SMOC1: variants seen among roughly 807,000 people sequenced by gnomAD.
The protein encoded by SMOC1 is SPARC related modular calcium binding 1.
SMOC1 carries 22 observed loss-of-function variants against 56.3 expected under a neutral mutation model. That is an observed-to-expected ratio of 0.39 (90% CI 0.28 to 0.56). The LOEUF is 0.56. Ranked by LOEUF, SMOC1 falls within the 20% of genes least tolerant of loss-of-function variation. The pLI is 0.61. For missense variants in SMOC1, 509 were observed against 565.4 expected, an observed-to-expected ratio of 0.90 and a Z score of 1.01; for synonymous variants, 193 against 215.0, an observed-to-expected ratio of 0.90 and a Z score of 0.89.
At chr14:69,898,373 T>G (rs1884151256) in intron 1 of SMOC1, among the ~76,000 whole-genome samples, 1 of 152,204 alleles carries the variant, frequency 6.6e-6, no homozygotes, top group African/African-American at 2.4e-5. Flanking sequence ...CAAATAATTC[T>G]TCTGTTTCTT....
chr14:69,906,565 C>T (rs796365996), intron 1 of SMOC1, among the ~76,000 whole-genome samples: 6 of 152,326 alleles, frequency 3.9e-5, no homozygotes, highest in African/African-American at 1.4e-4. Flanking sequence ...TTCTGAATTC[C>T]TGACCTGTAG....
intron 1 of SMOC1, among the ~76,000 whole-genome samples, chr14:69,907,904 C>A (rs1884452608): frequency 6.6e-6 from 1 of 152,172 alleles, no homozygotes; most frequent in South Asian, 2.1e-4. Context: ...CTCACTCTGG[C>A]CTCCTTTATA....
chr14:69,979,608 T>G (rs1555362575), intron 5 of SMOC1, among the ~76,000 whole-genome samples: 1 of 151,940 alleles, frequency 6.6e-6, no homozygotes, highest in Non-Finnish European at 1.5e-5. Context: ...GTGTGTGTGT[T>G]GTTTTTTTTC....
intron 1 of SMOC1, among the ~76,000 whole-genome samples, chr14:69,893,673 A>T (rs1412193783): frequency 2.6e-5 from 4 of 152,236 alleles, no homozygotes; most frequent in Admixed American, 2.6e-4. Flanking sequence ...CAGATAATGC[A>T]TTTTGAACTG....
intron 3 of SMOC1, among the ~76,000 whole-genome samples, chr14:69,974,622 AGG>A (rs1009772711): frequency 5.3e-5 from 8 of 151,948 alleles, no homozygotes; most frequent in African/African-American, 1.9e-4. Flanking sequence ...GCAGGGAAGT[AGG>A]CCTTAATGTG....
intron 10 of SMOC1, 32 bp from the exon 11 acceptor site, chr14:70,023,171 C>T: frequency 6.2e-7 from 1 of 1,613,730 alleles, no homozygotes; most frequent in Non-Finnish European, 8.5e-7. Context: ...GATTGGTGTT[C>T]TCTGCGGTGG....
At chr14:69,975,586 C>T (rs769986556) in intron 3 of SMOC1, 129 bp from the exon 4 acceptor site, 27 of 749,404 alleles carry the variant, frequency 3.6e-5, no homozygotes, top group Middle Eastern at 3.5e-4. Flanking sequence ...ACTCTGGAGA[C>T]AGATGTGGGG....
At chr14:69,884,600 C>A (rs1883743870) in intron 1 of SMOC1, among the ~76,000 whole-genome samples, 1 of 152,068 alleles carries the variant, frequency 6.6e-6, no homozygotes, top group Non-Finnish European at 1.5e-5. Flanking sequence ...TCATTTGAGT[C>A]AATTTTTGTA....
At chr14:69,988,543 GT>G in intron 5 of SMOC1, among the ~76,000 whole-genome samples, 1 of 152,114 alleles carries the variant, frequency 6.6e-6, no homozygotes. Flanking sequence ...CTCCCTTTTT[GT>G]TTTAACAGCT....
chr14:69,908,589 C>T (rs2139341103), intron 1 of SMOC1, among the ~76,000 whole-genome samples: 1 of 152,336 alleles, frequency 6.6e-6, no homozygotes, highest in Non-Finnish European at 1.5e-5. Flanking sequence ...CCCTGGGAAT[C>T]TGCTAGCCAG....
At chr14:69,885,843 G>A in intron 1 of SMOC1, 1 of 1,601,562 alleles carries the variant, frequency 6.2e-7, no homozygotes, top group South Asian at 1.1e-5. Context: ...CTGTACTTGT[G>A]GGCCAGCTTA....
rs1459422487 is a variant in SMOC1, at chr14:69,884,062, G to A, written c.99+4285G>A. On this transcript the variant is annotated intron_variant, in intron 1 of 11. Transcript: ENST00000361956. ...GCTGGGACTACAGGCGCCCGCCACC[G>A]CGCCCGGCTAATTTTTTGTATTTTT... Among the ~76,000 whole-genome samples, 10 of 150,980 alleles carry A rather than the reference G, an allele frequency of 6.6e-5. No individual in the cohort carries two copies. The East Asian group carries it at 1.2e-3, about 18-fold the overall frequency.
chr14:69,920,595 A>C (rs921136745), intron 1 of SMOC1, among the ~76,000 whole-genome samples: 2 of 152,230 alleles, frequency 1.3e-5, no homozygotes, highest in Non-Finnish European at 2.9e-5. Context: ...TCTGTGCCAG[A>C]CACAGCGCCA....
chr14:70,017,849 G>A (rs562835335), intron 10 of SMOC1, among the ~76,000 whole-genome samples: 46 of 152,292 alleles, frequency 3.0e-4, no homozygotes, highest in African/African-American at 1.1e-3. Context: ...ACCCTGGGGA[G>A]CCAGAGCATG....
intron 1 of SMOC1, among the ~76,000 whole-genome samples, chr14:69,898,388 T>C (rs1360183729): frequency 1.3e-5 from 2 of 152,198 alleles, no homozygotes; most frequent in Non-Finnish European, 2.9e-5. Flanking sequence ...TTTCTTCCTT[T>C]CTTCTCCTTT....
chr14:69,980,599 G>A (rs1039614381), intron 5 of SMOC1, among the ~76,000 whole-genome samples: 5 of 152,168 alleles, frequency 3.3e-5, no homozygotes, highest in Admixed American at 6.5e-5. Flanking sequence ...GACAGGGTGC[G>A]AGAGGGCATT....
intron 1 of SMOC1, among the ~76,000 whole-genome samples, chr14:69,933,211 A>G (rs1199116600): frequency 6.6e-6 from 1 of 152,242 alleles, no homozygotes; most frequent in East Asian, 1.9e-4. Context: ...CTTCTGGGAA[A>G]GGTCTAAACA....
At chr14:70,011,656 C>A in intron 9 of SMOC1, 89 bp downstream of exon 9, 2 of 1,268,852 alleles carry the variant, frequency 1.6e-6, no homozygotes, top group South Asian at 1.2e-5. Context: ...TCCTCTTTGT[C>A]TGTTTCCCCA....
At chr14:69,904,430 C>G (rs190624931) in intron 1 of SMOC1, among the ~76,000 whole-genome samples, 10 of 152,330 alleles carry the variant, frequency 6.6e-5, no homozygotes, top group African/African-American at 2.2e-4. Context: ...GTGCCACTGT[C>G]TCCGAAGGGG....
Sources: allele counts gnomAD v4.1 joint callset (sites outside exome capture counted in the v4.1 genomes callset), GRCh38; gene constraint gnomAD v4.1.1; transcripts MANE v1.5; gene names NCBI Gene and HGNC (gene_info 2026-07-23, HGNC 2026-07-21).